Variants in ALG10 observed in about 807,000 individuals in gnomAD.
ALG10 encodes dol-P-Glc:Glc(2)Man(9)GlcNAc(2)-PP-Dol alpha-1,2-glucosyltransferase A.
ALG10 carries 25 observed loss-of-function variants against 39.2 expected under a neutral mutation model. The observed-to-expected ratio is 0.64, with a 90% CI of 0.46 to 0.89. ALG10 has a LOEUF of 0.89. Ranked by LOEUF, ALG10 falls within the 40% of genes least tolerant of loss-of-function variation. ALG10 has a pLI of 0.00. For missense variants in ALG10, 486 were observed against 546.6 expected, an observed-to-expected ratio of 0.89 and a Z score of 1.11; for synonymous variants, 184 against 193.9, an observed-to-expected ratio of 0.95 and a Z score of 0.42.
At position 34,027,171 on chromosome 12, in the gene ALG10, T is replaced by C; in HGVS notation, c.*256T>C. 1 of 309,956 alleles carries C rather than the reference T, an allele frequency of 3.2e-6. No individual in the cohort carries two copies. 19.2% of individuals were successfully genotyped at this position (309,956 alleles called of 1,614,324 possible). ...TTTCAGATATCTCATATCACTCTCATAATGTTGGCCCCTTAAAAAGCTTGG... is the reference window on the plus strand; with the variant it reads ...TTTCAGATATCTCATATCACTCTCACAATGTTGGCCCCTTAAAAAGCTTGG... On this transcript the variant is annotated 3_prime_UTR_variant, in exon 3 of 3. Transcript: ENST00000266483.
In ALG10 at chr12:34,026,115, G is replaced by C; in HGVS notation, c.622G>C (p.Ala208Pro). The C allele has an allele frequency of 7.4e-6, 12 of 1,614,056 alleles. No individual in the cohort carries two copies. The highest frequency in any genetic ancestry group is 1.0e-5 in the Non-Finnish European group (12 of 1,179,954). Reference sequence around the variant, plus strand: ...TGTCATTGCACAAAAGTTAACGGAGGCTTGGAAAACTGAGCTACAAAAGAA... The same window carrying C: ...TGTCATTGCACAAAAGTTAACGGAGCCTTGGAAAACTGAGCTACAAAAGAA... Reference protein sequence around the residue: ...GNVIAQKLTEAWKTELQKKED... With the variant: ...GNVIAQKLTEPWKTELQKKED... Residue 208 changes from alanine (A) to proline (P), a missense_variant, in exon 3 of 3, where the codon GCT (alanine) becomes CCT (proline). Coordinates refer to ENST00000266483, the MANE Select transcript of ALG10 (RefSeq NM_032834.4).
At position 34,025,844 on chromosome 12, in the gene ALG10, T is replaced by C. The variant is rs372398491; in HGVS notation, c.370-19T>C. 3.7e-6 allele frequency: 6 copies of C among 1,613,592 alleles called. No individual in the cohort carries two copies. The highest frequency in any genetic ancestry group is 1.1e-5 in the South Asian group (1 of 90,880). ...TTTGTCATGAAAATAATTTTATCTG[T>C]GTTTCTTCTTCCTCCAAGGCTGCCT... On this transcript the variant is annotated intron_variant, in intron 2 of 2. Coordinates refer to ENST00000266483, the MANE Select transcript of ALG10 (RefSeq NM_032834.4).
chr12:34,024,186 G>C, intron 2 of ALG10, 27 bp downstream of exon 2: 1 of 1,609,144 alleles, frequency 6.2e-7, no homozygotes. Context: ...TTAATTACAA[G>C]TTTATGTGTA....
chr12:34,025,825 A>G (rs1565603088), intron 2 of ALG10, 38 bp from the exon 3 acceptor site: 5 of 1,611,254 alleles, frequency 3.1e-6, no homozygotes, highest in East Asian at 2.2e-5. Context: ...ATTTTTTGTC[A>G]TGAAAATAAT....
chr12:34,024,004 T>A lies in ALG10; in HGVS notation c.214T>A (p.Ser72Thr). The change falls in exon 2 of 3, where the codon TCA (serine) becomes ACA (threonine). Residue 72 changes from serine (S) to threonine (T), a missense_variant. Physicochemically the swap from Ser to Thr is moderately conservative, Grantham distance 58. Coordinates refer to ENST00000266483, the MANE Select transcript of ALG10 (RefSeq NM_032834.4). ...TACATTACCTGGCTTGTACCTGGTG[T>A]CAATTGGAGTGATCAAACCTGCCAT... ...ITTLPGLYLV[S>T]IGVIKPAIWI... 1 of 1,614,172 alleles carries A rather than the reference T, an allele frequency of 6.2e-7. No individual in the cohort carries two copies. Among genetic ancestry groups the A allele is most frequent in the Non-Finnish European group, 8.5e-7 (1 of 1,180,014 alleles).
chr12:34,025,085 G>A (rs1358290853), intron 2 of ALG10, among the ~76,000 whole-genome samples: 2 of 152,134 alleles, frequency 1.3e-5, no homozygotes, highest in East Asian at 1.9e-4. Context: ...AAAAGTAGAG[G>A]GATGTAAGGC....
chr12:34,022,905 T>C, intron 1 of ALG10, 135 bp downstream of exon 1: 1 of 1,202,226 alleles, frequency 8.3e-7, no homozygotes, highest in Non-Finnish European at 1.2e-6. Context: ...CTGGGTATAG[T>C]CTTTTGTTCC....
chr12:34,022,903 A>T (rs755343661), intron 1 of ALG10, 133 bp downstream of exon 1: 6 of 1,226,822 alleles, frequency 4.9e-6, no homozygotes, highest in Non-Finnish European at 6.8e-6. Flanking sequence ...AACTGGGTAT[A>T]GTCTTTTGTT....
chr12:34,023,006 G>A (rs1942795254), intron 1 of ALG10: 5 of 599,280 alleles, frequency 8.3e-6, no homozygotes, highest in African/African-American at 1.9e-5. Flanking sequence ...AATACTCAAC[G>A]GGGAACTGAG....
chr12:34,024,342 C>T (rs1037178252), intron 2 of ALG10, among the ~76,000 whole-genome samples, 183 bp downstream of exon 2: 2 of 152,114 alleles, frequency 1.3e-5, no homozygotes, highest in East Asian at 1.9e-4. Context: ...TATTTAAATA[C>T]TTGAATAACT....
At chr12:34,025,483 GCA>G (rs1942820625) in intron 2 of ALG10, among the ~76,000 whole-genome samples, 1 of 152,080 alleles carries the variant, frequency 6.6e-6, no homozygotes, top group South Asian at 2.1e-4. Context: ...CTTACTGAAG[GCA>G]CTAAAACATA....
At position 34,024,204 on chromosome 12, in the gene ALG10, C is replaced by T. The variant is rs761713196; in HGVS notation, c.369+45C>T. ...ATTACAAGTTTATGTGTAGTCAGGT[C>T]CACAATTACAATGAATTAGTTTTAT... On this transcript the variant is annotated intron_variant, in intron 2 of 2. Transcript: ENST00000266483. 3 of 1,588,192 alleles carry T rather than the reference C, an allele frequency of 1.9e-6. No homozygotes were observed. In the South Asian group the frequency reaches 3.3e-5, roughly 18 times the overall value.
chr12:34,023,961 G>T lies in ALG10; in HGVS notation c.172-1G>T. Reference sequence around the variant, plus strand: ...TTACTTCATTTTCTTTCATTTTAAAGTGGGATCCCATGATTACTACATTAC... The same window carrying T: ...TTACTTCATTTTCTTTCATTTTAAATTGGGATCCCATGATTACTACATTAC... On this transcript the variant is annotated splice_acceptor_variant, in intron 1 of 2. Transcript: ENST00000266483. LOFTEE classifies it high-confidence loss of function. The T allele has an allele frequency of 6.8e-6, 11 of 1,613,932 alleles. No homozygotes were observed. The highest frequency in any genetic ancestry group is 9.3e-6 in the Non-Finnish European group (11 of 1,179,938).
chr12:34,023,916 G>C (rs748008476), intron 1 of ALG10, 46 bp from the exon 2 acceptor site: 2 of 1,609,064 alleles, frequency 1.2e-6, no homozygotes, highest in African/African-American at 1.3e-5. Flanking sequence ...TGCCTGTCTT[G>C]TTCCTATTAC....
chr12:34,026,463 A>G lies in ALG10; in HGVS notation c.970A>G (p.Ile324Val). Reference protein sequence around the residue: ...TFLSLVWKRRILFFVVTLVSV... With the variant: ...TFLSLVWKRRVLFFVVTLVSV... Reference sequence around the variant, plus strand: ...TCTTTCCTTAGTTTGGAAACGTAGAATTCTGTTTTTTGTGGTTACCTTAGT... The same window carrying G: ...TCTTTCCTTAGTTTGGAAACGTAGAGTTCTGTTTTTTGTGGTTACCTTAGT... Residue 324 changes from isoleucine to valine, a missense_variant, in exon 3 of 3, where the codon ATT (isoleucine) becomes GTT (valine). Transcript: ENST00000266483. The G allele has an allele frequency of 6.2e-7, 1 of 1,613,922 alleles. No individual in the cohort carries two copies.
In ALG10 at chr12:34,022,694, G is replaced by C. The variant is rs1234259108; in HGVS notation, c.95G>C (p.Arg32Pro). The C allele has an allele frequency of 6.2e-7, 1 of 1,614,062 alleles. No homozygotes were observed. The highest frequency in any genetic ancestry group is 2.2e-5 in the East Asian group (1 of 44,858). The change falls in exon 1 of 3, where the codon CGA (arginine) becomes CCA (proline). Residue 32 changes from arginine (R) to proline (P), a missense_variant. Transcript: ENST00000266483. ...LLFSAFSRALREPYMDEIFHL... is the reference protein window; with the variant it reads ...LLFSAFSRALPEPYMDEIFHL... Reference sequence around the variant, plus strand: ...TTCTCCGCCTTCAGCCGGGCGTTGCGAGAGCCCTACATGGACGAGATCTTC... The same window carrying C: ...TTCTCCGCCTTCAGCCGGGCGTTGCCAGAGCCCTACATGGACGAGATCTTC...
chr12:34,023,890 G>A (rs773192681), intron 1 of ALG10, 72 bp from the exon 2 acceptor site: 78 of 1,560,498 alleles, frequency 5.0e-5, no homozygotes, highest in Non-Finnish European at 6.8e-5. Context: ...GATGAGACTT[G>A]GGCTTGACAT....
chr12:34,026,282 G>A lies in ALG10; in HGVS notation c.789G>A (p.Leu263=). The A allele has an allele frequency of 1.2e-6, 2 of 1,614,060 alleles. No individual in the cohort carries two copies. Among genetic ancestry groups the A allele is most frequent in the Admixed American group, 1.7e-5 (1 of 60,016 alleles). Residue 263 remains leucine (L), a synonymous_variant, in exon 3 of 3, where the codon CTG becomes CTA. Transcript: ENST00000266483. The stretch of plus-strand genomic sequence containing the variant: ...GGCCCTACATCCTTCTGGGATTTCT[G>A]TTTTGTGCTTTTGTAGTAGTTAATG... The part of the protein sequence containing the change: ...LTWPYILLGF[L]FCAFVVVNGG...
At chr12:34,023,287 TTTGAGTATATA>T (rs2120686366) in intron 1 of ALG10, 1 of 169,106 alleles carries the variant, frequency 5.9e-6, no homozygotes, top group South Asian at 1.5e-4. Flanking sequence ...TCACATCATT[TTTGAGTATATA>T]TTTGACTGTG....
Sources: gnomAD v4.1 joint callset for allele counts (sites outside exome capture counted in the v4.1 genomes callset) on GRCh38, gnomAD v4.1.1 for gene constraint, MANE v1.5 for transcripts, NCBI Gene and HGNC (gene_info 2026-07-23, HGNC 2026-07-21) for gene names.